IGF2BP3: variants seen among roughly 807,000 people sequenced by gnomAD.
IGF2BP3 encodes insulin-like growth factor 2 mRNA-binding protein 3.
Under a neutral mutation model 73.8 loss-of-function variants are expected in IGF2BP3, and 9 were observed. The observed-to-expected ratio is 0.12, with a 90% CI of 0.07 to 0.21. The LOEUF (loss-of-function observed/expected upper bound fraction) is 0.21. IGF2BP3 is among the 10% of genes least tolerant of loss of function. The pLI is 1.00. For synonymous variants in IGF2BP3, 258 were observed against 256.7 expected, an observed-to-expected ratio of 1.01 and a Z score of -0.05; for missense variants, 542 against 714.0, an observed-to-expected ratio of 0.76 and a Z score of 2.75.
At chr7:23,378,766 G>C (rs1022496649) in intron 3 of IGF2BP3, among the ~76,000 whole-genome samples, 1 of 151,756 alleles carries the variant, frequency 6.6e-6, no homozygotes, top group Non-Finnish European at 1.5e-5. Context: ...TAGAGACGGG[G>C]TTTCACCATG....
intron 10 of IGF2BP3, among the ~76,000 whole-genome samples, chr7:23,339,775 C>T (rs572125295): frequency 6.6e-6 from 1 of 152,276 alleles, no homozygotes; most frequent in Non-Finnish European, 1.5e-5. Context: ...AGAGTTACGT[C>T]ACATGATCAG....
chr7:23,422,202 A>G (rs1271695413), intron 2 of IGF2BP3, among the ~76,000 whole-genome samples: 1 of 152,210 alleles, frequency 6.6e-6, no homozygotes, highest in East Asian at 1.9e-4. Context: ...AATTTTCCCA[A>G]AAGTACACAT....
intron 3 of IGF2BP3, among the ~76,000 whole-genome samples, chr7:23,377,277 A>G (rs1785754925): frequency 6.6e-6 from 1 of 152,212 alleles, no homozygotes; most frequent in Non-Finnish European, 1.5e-5. Context: ...TTAAAACTCA[A>G]CACTAAAAGG....
chr7:23,435,542 G>A (rs1045766568), intron 2 of IGF2BP3, among the ~76,000 whole-genome samples: 16 of 148,646 alleles, frequency 1.1e-4, no homozygotes, highest in African/African-American at 3.0e-4. Flanking sequence ...CACAACCTCC[G>A]CCTCCTGGGT....
At chr7:23,406,721 C>T (rs1192933089) in intron 3 of IGF2BP3, among the ~76,000 whole-genome samples, 1 of 152,200 alleles carries the variant, frequency 6.6e-6, no homozygotes, top group Non-Finnish European at 1.5e-5. Flanking sequence ...TATTTGGCCC[C>T]ACCCACATCC....
chr7:23,319,854 G>T (rs1362297604), intron 10 of IGF2BP3, among the ~76,000 whole-genome samples: 1 of 152,154 alleles, frequency 6.6e-6, no homozygotes, highest in African/African-American at 2.4e-5. Flanking sequence ...CACTTTAGTG[G>T]TAAGATGCCC....
chr7:23,327,258 A>C (rs1454759437), intron 10 of IGF2BP3, among the ~76,000 whole-genome samples: 1 of 150,204 alleles, frequency 6.7e-6, no homozygotes, highest in Non-Finnish European at 1.5e-5. Context: ...ACACAGCCAT[A>C]AGACAGATCC....
chr7:23,379,106 G>A (rs1785825431), intron 3 of IGF2BP3, among the ~76,000 whole-genome samples: 3 of 152,212 alleles, frequency 2.0e-5, no homozygotes. Context: ...ATGGACATGT[G>A]TTTCATAATA....
intron 3 of IGF2BP3, among the ~76,000 whole-genome samples, chr7:23,366,988 CTTTT>C (rs397942338): frequency 1.7e-5 from 2 of 116,180 alleles, no homozygotes; most frequent in Admixed American, 8.7e-5. Context: ...TCACATTTTG[CTTTT>C]TTTTTTTTTT....
intron 2 of IGF2BP3, among the ~76,000 whole-genome samples, chr7:23,430,564 A>T (rs1410549127): frequency 6.6e-6 from 1 of 152,238 alleles, no homozygotes; most frequent in Non-Finnish European, 1.5e-5. Flanking sequence ...AGAGGACTTC[A>T]TTCAGCCTGG....
At chr7:23,444,420 C>G (rs1788007391) in intron 2 of IGF2BP3, among the ~76,000 whole-genome samples, 1 of 152,074 alleles carries the variant, frequency 6.6e-6, no homozygotes, top group African/African-American at 2.4e-5. Context: ...CAATTATTCC[C>G]TATCCCACCT....
chr7:23,417,333 T>A (rs904139528), intron 3 of IGF2BP3, among the ~76,000 whole-genome samples: 2 of 152,178 alleles, frequency 1.3e-5, no homozygotes, highest in Non-Finnish European at 2.9e-5. Context: ...CGTGCCCATA[T>A]TTGCCCATTT....
intron 11 of IGF2BP3, 69 bp downstream of exon 11, chr7:23,319,069 G>T: frequency 1.0e-6 from 1 of 976,842 alleles, no homozygotes; most frequent in Non-Finnish European, 1.6e-6. Context: ...AAATTATAAA[G>T]TGGCAAGAAG....
chr7:23,415,322 A>AG (rs1787155173), intron 3 of IGF2BP3: 2 of 212,054 alleles, frequency 9.4e-6, no homozygotes, highest in Admixed American at 7.2e-5. Flanking sequence ...GTCCCCGTTC[A>AG]TCGGCTTCAC....
At chr7:23,386,469 G>C (rs147024297) in intron 3 of IGF2BP3, among the ~76,000 whole-genome samples, 151 of 152,322 alleles carry the variant, frequency 9.9e-4, no homozygotes, top group Middle Eastern at 6.8e-3. Flanking sequence ...CAATGATGGA[G>C]TGACCAAAGG....
intron 3 of IGF2BP3, among the ~76,000 whole-genome samples, chr7:23,386,205 AT>A (rs1275544051): frequency 2.0e-5 from 3 of 152,178 alleles, no homozygotes; most frequent in Non-Finnish European, 2.9e-5. Context: ...AGTTTTTAAG[AT>A]GTGAAATATT....
At chr7:23,341,946 G>C in intron 10 of IGF2BP3, 118 bp downstream of exon 10, 1 of 1,125,186 alleles carries the variant, frequency 8.9e-7, no homozygotes, top group South Asian at 2.1e-5. Context: ...AAATAAGAAG[G>C]CTCCATTAGC....
intron 2 of IGF2BP3, among the ~76,000 whole-genome samples, chr7:23,457,443 C>T (rs1019769959): frequency 2.0e-5 from 3 of 151,500 alleles, no homozygotes; most frequent in African/African-American, 4.9e-5. Flanking sequence ...CCAGCCTGGG[C>T]GAGACCAAGA....
At chr7:23,314,950 C>T (rs1160109638) in intron 12 of IGF2BP3, among the ~76,000 whole-genome samples, 4 of 151,844 alleles carry the variant, frequency 2.6e-5, no homozygotes, top group Admixed American at 2.6e-4. Context: ...AGGTGCCCGC[C>T]ACCACACCCA....
Sources: gnomAD v4.1 joint callset for allele counts (sites outside exome capture counted in the v4.1 genomes callset) on GRCh38, gnomAD v4.1.1 for gene constraint, MANE v1.5 for transcripts, NCBI Gene and HGNC (gene_info 2026-07-23, HGNC 2026-07-21) for gene names.